Variants in MGA observed in about 807,000 individuals in gnomAD.
MGA encodes MAX dimerization protein MGA.
Under a neutral mutation model 261.1 loss-of-function variants are expected in MGA, and 40 were observed. The ratio of observed to expected loss-of-function variants is 0.15; its 90% CI spans 0.12 to 0.20. MGA has a LOEUF of 0.20. Ranked by LOEUF, MGA falls within the 10% of genes least tolerant of loss-of-function variation. The pLI is 1.00. For synonymous variants in MGA, 1,302 were observed against 1,290.6 expected (o/e 1.01, Z -0.19); for missense variants, 3,397 against 3,630.5 (o/e 0.94, Z 1.65).
chr15:41,649,557 A>G (rs1595569553), intron 1 of MGA, among the ~76,000 whole-genome samples: 2 of 152,340 alleles, frequency 1.3e-5, no homozygotes, highest in Middle Eastern at 3.4e-3. Context: ...TAGAATCAAC[A>G]GGAAGATTTG....
chr15:41,626,613 G>A (rs975625030), intron 1 of MGA, among the ~76,000 whole-genome samples: 2 of 151,876 alleles, frequency 1.3e-5, no homozygotes, highest in African/African-American at 4.8e-5. Context: ...AGTAGAAACG[G>A]ACTTTCTCCA....
intron 1 of MGA, among the ~76,000 whole-genome samples, chr15:41,637,830 C>T (rs368605741): frequency 2.6e-5 from 4 of 151,738 alleles, no homozygotes; most frequent in South Asian, 2.1e-4. Flanking sequence ...CTGCGACCTC[C>T]GCCTCCCGGC....
Position 41,743,097 on chromosome 15 carries a change from C to G in MGA, c.5137C>G (p.Pro1713Ala), listed in dbSNP as rs751683147. The stretch of plus-strand genomic sequence containing the variant: ...TGCATCTTCCTCCATGGTGACCACA[C>G]CAACTTCATCTCTGGGCTCTGTTCC... Residue 1713 changes from proline (P) to alanine (A), a missense_variant, in exon 15 of 24, where the codon CCA becomes GCA. Pro to Ala is a conservative substitution (Grantham distance 27). Coordinates refer to ENST00000219905, the MANE Select transcript of MGA (RefSeq NM_001164273.2). The G allele has an allele frequency of 6.2e-7, 1 of 1,613,856 alleles. No individual in the cohort carries two copies. Among genetic ancestry groups the G allele is most frequent in the Non-Finnish European group, 8.5e-7 (1 of 1,179,872 alleles).
At chr15:41,667,879 G>A (rs769154146) in intron 1 of MGA, among the ~76,000 whole-genome samples, 7 of 152,068 alleles carry the variant, frequency 4.6e-5, no homozygotes, top group Non-Finnish European at 7.4e-5. Flanking sequence ...TCTTGGCTCA[G>A]TGCACCTTCT....
intron 11 of MGA, among the ~76,000 whole-genome samples, chr15:41,732,025 A>G (rs993255756): frequency 2.6e-5 from 4 of 152,210 alleles, no homozygotes; most frequent in African/African-American, 7.2e-5. Flanking sequence ...ACATGAGGCA[A>G]TAAGTCCTAA....
At chr15:41,625,343 A>T (rs1331566829) in intron 1 of MGA, among the ~76,000 whole-genome samples, 1 of 152,072 alleles carries the variant, frequency 6.6e-6, no homozygotes, top group East Asian at 1.9e-4. Flanking sequence ...AATTTTTTTA[A>T]GTTTAGGAGA....
rs1273996231 is a variant in MGA at position 41,696,779 on chromosome 15, T to C, written c.1769T>C (p.Met590Thr). 1.9e-6 allele frequency: 3 copies of C among 1,606,958 alleles called. No individual in the cohort carries two copies. The highest frequency in any genetic ancestry group is 1.7e-6 in the Non-Finnish European group (2 of 1,176,706). ...GACTTGGGCAGAAAGAGAACAACTA[T>C]GCTTAAGATTGCAACAGCCGCAAAG... Residue 590 changes from methionine to threonine, a missense_variant, in exon 3 of 24, where the codon ATG (methionine) becomes ACG (threonine). Coordinates refer to ENST00000219905, the MANE Select transcript of MGA (RefSeq NM_001164273.2).
chr15:41,684,209 G>A (rs1282816522), intron 2 of MGA, among the ~76,000 whole-genome samples: 1 of 152,076 alleles, frequency 6.6e-6, no homozygotes, highest in Non-Finnish European at 1.5e-5. Flanking sequence ...GCATTACTGG[G>A]CACTCAGCAA....
chr15:41,631,888 C>CT (rs200387626), intron 1 of MGA, among the ~76,000 whole-genome samples: 4 of 150,970 alleles, frequency 2.6e-5, no homozygotes, highest in African/African-American at 4.9e-5. Flanking sequence ...TTCTATGTTT[C>CT]TTTTTTTTTA....
Position 41,767,268 on chromosome 15 carries a change from T to C in MGA, c.9186T>C (p.Ser3062=), listed in dbSNP as rs372687529. ...GCAACTCGGGGGCCTCACCAAGTTC[T>C]GCAGGGAAATGAACTTACTTGTCCT... The change falls in exon 24 of 24, where the codon TCT becomes TCC. Residue 3062 remains serine (S), a synonymous_variant. Transcript: ENST00000219905. The C allele has an allele frequency of 9.9e-6, 16 of 1,609,708 alleles. No individual in the cohort carries two copies. The African/African-American group carries it at 1.9e-4, about 19-fold the overall frequency.
Position 41,766,640 on chromosome 15 carries a change from C to G in MGA, c.8558C>G (p.Thr2853Arg). Residue 2853 changes from threonine to arginine, a missense_variant, in exon 24 of 24, where the codon ACA becomes AGA. Thr to Arg is a moderately conservative substitution (Grantham distance 71). Around this residue, in one of 9 missense-constraint regions of MGA, gnomAD observed 647 missense variants for 642.4 expected, o/e 1.01. Transcript: ENST00000219905. ...GCTGAACTACCCAGCTCTATGGATACAGAGTTCCCAGGGGATGCTCGGCGG... is the reference window on the plus strand; with the variant it reads ...GCTGAACTACCCAGCTCTATGGATAGAGAGTTCCCAGGGGATGCTCGGCGG... The G allele has an allele frequency of 6.2e-7, 1 of 1,613,978 alleles. No homozygotes were observed. Among genetic ancestry groups the G allele is most frequent in the South Asian group, 1.1e-5 (1 of 91,082 alleles).
At chr15:41,628,906 G>A (rs1189618232) in intron 1 of MGA, among the ~76,000 whole-genome samples, 1 of 152,104 alleles carries the variant, frequency 6.6e-6, no homozygotes, top group African/African-American at 2.4e-5. Flanking sequence ...TTGGGTGGCC[G>A]AGGCAGGTGG....
In MGA at chr15:41,694,973, A is replaced by T. The variant is rs556265410; in HGVS notation, c.1065-1102A>T. Among the ~76,000 whole-genome samples the T allele has an allele frequency of 3.0e-4, 46 of 151,292 alleles. No homozygotes were observed. The Middle Eastern group carries it at 0.01, about 34-fold the overall frequency. On this transcript the variant is annotated intron_variant, in intron 2 of 23. Transcript: ENST00000219905. The stretch of plus-strand genomic sequence containing the variant: ...TTCAGTCATAGGCTTTGAACTATTT[A>T]AAAAAAAATGCCCACAATCCTTTGT...
chr15:41,675,702 T>C (rs2058337707), intron 2 of MGA, among the ~76,000 whole-genome samples: 1 of 152,180 alleles, frequency 6.6e-6, no homozygotes, highest in African/African-American at 2.4e-5. Context: ...ATTCCATTAA[T>C]GGATGACTGC....
chr15:41,675,198 A>G (rs541253590), intron 2 of MGA, among the ~76,000 whole-genome samples: 1 of 152,358 alleles, frequency 6.6e-6, no homozygotes, highest in South Asian at 2.1e-4. Flanking sequence ...GCATACTTTT[A>G]GTAGACACTG....
At chr15:41,684,811 A>C (rs2058864815) in intron 2 of MGA, 1 of 153,052 alleles carries the variant, frequency 6.5e-6, no homozygotes, top group African/African-American at 2.4e-5. Context: ...ATAAGAACTG[A>C]GATAACTGGG....
At chr15:41,642,645 A>C (rs1280721910) in intron 1 of MGA, among the ~76,000 whole-genome samples, 1 of 151,914 alleles carries the variant, frequency 6.6e-6, no homozygotes, top group Non-Finnish European at 1.5e-5. Context: ...CACCTCACCC[A>C]GCTAATTTTT....
intron 3 of MGA, among the ~76,000 whole-genome samples, chr15:41,697,855 A>G (rs1566992949): frequency 6.6e-6 from 1 of 152,036 alleles, no homozygotes; most frequent in Non-Finnish European, 1.5e-5. Context: ...GGAAATTTTT[A>G]TAGAAGCCCA....
upstream of MGA, among the ~76,000 whole-genome samples, chr15:41,656,984 G>A (rs1002378666): frequency 6.6e-6 from 1 of 152,036 alleles, no homozygotes; most frequent in Non-Finnish European, 1.5e-5. Flanking sequence ...TGTTGTCCAG[G>A]CTGGTTTTGA....
Sources: gnomAD v4.1 joint callset for allele counts (sites outside exome capture counted in the v4.1 genomes callset) on GRCh38, gnomAD v4.1.1 for gene constraint, gnomAD v4.1.1 regional missense constraint, MANE v1.5 for transcripts, NCBI Gene and HGNC (gene_info 2026-07-23, HGNC 2026-07-21) for gene names.